Variants in CIROZ observed in about 807,000 individuals in gnomAD.
CIROZ encodes ciliated left-right organizer protein containing ZP-N domains, also known as ciliated left-right organizer ZP-N domains-containing protein.
chr1:10,981,439 A>C, the CIROZ span, among the ~76,000 whole-genome samples: 2 of 151,980 alleles, frequency 1.3e-5, no homozygotes, highest in Non-Finnish European at 2.9e-5. Flanking sequence ...CAACAGAGCA[A>C]GACTCTATCT....
the CIROZ span, chr1:10,981,960 C>A: frequency 6.5e-7 from 1 of 1,534,676 alleles, no homozygotes; most frequent in African/African-American, 1.4e-5. Flanking sequence ...GGAGTGTGGG[C>A]ACACTAAGCA....
the CIROZ span, chr1:10,976,333 A>T: frequency 7.9e-6 from 7 of 887,462 alleles, no homozygotes; most frequent in Middle Eastern, 3.5e-4. Context: ...CACTCATTAT[A>T]TTTCTTTTTT....
the CIROZ span, chr1:10,948,249 C>T: frequency 2.5e-6 from 4 of 1,613,948 alleles, no homozygotes; most frequent in South Asian, 1.1e-5. Context: ...GAGACCAGGC[C>T]CTGTCTGGCG....
chr1:10,947,638 C>G, the CIROZ span: 6 of 1,446,302 alleles, frequency 4.1e-6, no homozygotes, highest in Middle Eastern at 2.0e-4. Flanking sequence ...GCACCCAGGA[C>G]TCACCCTGGA....
At chr1:10,967,817 C>CA in the CIROZ span, among the ~76,000 whole-genome samples, 601 of 152,056 alleles carry the variant, frequency 4.0e-3, 4 homozygotes, top group African/African-American at 0.013. Flanking sequence ...ACTAAAAATA[C>CA]AAAAAAATTA....
the CIROZ span, among the ~76,000 whole-genome samples, chr1:10,959,957 G>T: frequency 6.6e-6 from 1 of 152,228 alleles, no homozygotes; most frequent in Non-Finnish European, 1.5e-5. The surrounding 1 kb of genome is among the most constrained non-coding windows in gnomAD (Gnocchi z 4.3). Flanking sequence ...AGAATGAGGA[G>T]GATGCGGCAA....
At chr1:10,967,684 G>C in the CIROZ span, among the ~76,000 whole-genome samples, 1 of 152,088 alleles carries the variant, frequency 6.6e-6, no homozygotes, top group Non-Finnish European at 1.5e-5. Flanking sequence ...AATAGTTGTT[G>C]AATGAGGCTG....
chr1:10,978,390 A>T, the CIROZ span, among the ~76,000 whole-genome samples: 3,130 of 151,832 alleles, frequency 0.021, 123 homozygotes, highest in African/African-American at 0.072. Context: ...CTGAGAGGTG[A>T]CAGTTGAACC....
the CIROZ span, chr1:10,957,184 C>A: frequency 8.7e-7 from 1 of 1,146,772 alleles, no homozygotes; most frequent in South Asian, 1.6e-5. Flanking sequence ...ACAGGGGCCC[C>A]CTCTCCTACC....
the CIROZ span, among the ~76,000 whole-genome samples, chr1:10,972,998 C>A: frequency 6.6e-6 from 1 of 151,998 alleles, no homozygotes; most frequent in Non-Finnish European, 1.5e-5. Context: ...TGGGCCTTGC[C>A]GTATAGCCTT....
chr1:10,979,235 T>A, the CIROZ span, among the ~76,000 whole-genome samples: 2 of 152,060 alleles, frequency 1.3e-5, no homozygotes, highest in African/African-American at 4.8e-5. Flanking sequence ...TTCAAGTTAT[T>A]CGCCCACCTC....
At chr1:10,956,579 C>T in the CIROZ span, among the ~76,000 whole-genome samples, 1 of 151,882 alleles carries the variant, frequency 6.6e-6, no homozygotes, top group African/African-American at 2.4e-5. Context: ...AGGTTCACGC[C>T]ATTCTCCTGC....
At chr1:10,972,771 C>T in the CIROZ span, among the ~76,000 whole-genome samples, 2 of 152,088 alleles carry the variant, frequency 1.3e-5, no homozygotes, top group Non-Finnish European at 2.9e-5. Context: ...ATTCTAAGCC[C>T]TTGGAATGTT....
At chr1:10,962,126 G>C in the CIROZ span, among the ~76,000 whole-genome samples, 1 of 151,996 alleles carries the variant, frequency 6.6e-6, no homozygotes, top group Non-Finnish European at 1.5e-5. Context: ...CCAGCACTTT[G>C]TTTGAGCCGC....
At chr1:10,977,922 C>A in the CIROZ span, among the ~76,000 whole-genome samples, 1 of 152,240 alleles carries the variant, frequency 6.6e-6, no homozygotes, top group South Asian at 2.1e-4. Flanking sequence ...GTAATCCCAG[C>A]ACTTTGGAGG....
At chr1:10,968,838 T>C in the CIROZ span, among the ~76,000 whole-genome samples, 1 of 152,264 alleles carries the variant, frequency 6.6e-6, no homozygotes, top group Admixed American at 6.5e-5. Context: ...CGCTTAAAAC[T>C]TCTTTATAAT....
the CIROZ span, among the ~76,000 whole-genome samples, chr1:10,972,582 G>A: frequency 3.4e-3 from 524 of 152,296 alleles, 3 homozygotes; most frequent in African/African-American, 0.011. Context: ...CCTGGGCCCT[G>A]GAGTTGGATG....
At chr1:10,967,980 AT>A in the CIROZ span, among the ~76,000 whole-genome samples, 11 of 151,698 alleles carry the variant, frequency 7.3e-5, no homozygotes, top group African/African-American at 2.7e-4. Context: ...TCTCAAAAAA[AT>A]AAATAAATAC....
At chr1:10,963,200 C>A in the CIROZ span, among the ~76,000 whole-genome samples, 1 of 151,952 alleles carries the variant, frequency 6.6e-6, no homozygotes, top group African/African-American at 2.4e-5. Context: ...ACCAGCCTGG[C>A]CAACATGGTG....
Sources: gnomAD v4.1 joint callset for allele counts (sites outside exome capture counted in the v4.1 genomes callset) on GRCh38, gnomAD v4.1.1 for gene constraint, Gnocchi (gnomAD v3.1) non-coding constraint, MANE v1.5 for transcripts, NCBI Gene and HGNC (gene_info 2026-07-23, HGNC 2026-07-21) for gene names.